The following MTF1 variants were observed in gnomAD, a reference collection of about 807,000 sequenced individuals.
MTF1 encodes the protein metal regulatory transcription factor 1.
Under a neutral mutation model 70.4 loss-of-function variants are expected in MTF1, and 22 were observed. The ratio of observed to expected loss-of-function variants is 0.31; its 90% CI spans 0.22 to 0.45. MTF1 has a LOEUF of 0.45. Among genes scored for constraint, MTF1 ranks in the 20% least tolerant of loss-of-function variants. MTF1 has a pLI of 1.00. For missense variants in MTF1, 649 were observed against 922.0 expected (o/e 0.70, Z 3.83); for synonymous variants, 333 against 352.8 (o/e 0.94, Z 0.63).
At chr1:37,852,740 C>T (rs1260710511) in intron 2 of MTF1, among the ~76,000 whole-genome samples, 1 of 152,050 alleles carries the variant, frequency 6.6e-6, no homozygotes, top group Non-Finnish European at 1.5e-5. Flanking sequence ...AAGTGATTCT[C>T]CTGCCTCAGC....
intron 10 of MTF1, 62 bp downstream of exon 10, chr1:37,817,357 T>C: frequency 3.1e-6 from 3 of 969,494 alleles, no homozygotes; most frequent in Non-Finnish European, 4.9e-6. Context: ...AAGCAATAAT[T>C]AGCTGTGCCT....
chr1:37,852,738 C>G (rs1447371968), intron 2 of MTF1, among the ~76,000 whole-genome samples: 1 of 151,916 alleles, frequency 6.6e-6, no homozygotes, highest in Admixed American at 6.6e-5. Flanking sequence ...TCAAGTGATT[C>G]TCCTGCCTCA....
chr1:37,819,948 A>T, intron 9 of MTF1, among the ~76,000 whole-genome samples: 1 of 107,506 alleles, frequency 9.3e-6, no homozygotes, highest in African/African-American at 4.1e-5. Flanking sequence ...CAAGACTCTG[A>T]CTCAAAAAAA....
Position 37,857,374 on chromosome 1 carries a change from C to A in MTF1, c.285G>T (p.Gln95His). The A allele has an allele frequency of 6.2e-7, 1 of 1,614,194 alleles. No homozygotes were observed. Among genetic ancestry groups the A allele is most frequent in the Non-Finnish European group, 8.5e-7 (1 of 1,180,036 alleles). The change falls in exon 2 of 11, where the codon CAG becomes CAT. Residue 95 changes from glutamine to histidine, a missense_variant. Coordinates refer to ENST00000373036, the MANE Select transcript of MTF1 (RefSeq NM_005955.3). The part of the protein sequence containing the change: ...DHEAMSQGYV[Q>H]HIISPDQIHL... Reference sequence around the variant, plus strand: ...GAATCTGATCTGGTGAGATAATGTGCTGCACATAACCCTGGGACATTGCTT... The same window carrying A: ...GAATCTGATCTGGTGAGATAATGTGATGCACATAACCCTGGGACATTGCTT...
intron 2 of MTF1, among the ~76,000 whole-genome samples, chr1:37,852,402 T>A (rs1260915399): frequency 6.6e-6 from 1 of 152,238 alleles, no homozygotes; most frequent in Non-Finnish European, 1.5e-5. Flanking sequence ...TCTTGATTCC[T>A]ATGAATGGGA....
intron 3 of MTF1, 152 bp downstream of exon 3, chr1:37,839,768 G>A (rs1641228223): frequency 3.1e-6 from 2 of 646,206 alleles, no homozygotes; most frequent in Admixed American, 2.9e-5. Flanking sequence ...CATTTTCTGA[G>A]ATCTGGCAGA....
At chr1:37,856,747 G>A (rs1460779967) in intron 2 of MTF1, among the ~76,000 whole-genome samples, 3 of 152,092 alleles carry the variant, frequency 2.0e-5, no homozygotes, top group Admixed American at 1.3e-4. Context: ...TGATCCACCC[G>A]CCTCAGCCTC....
chr1:37,856,569 G>C (rs1479529229), intron 2 of MTF1, among the ~76,000 whole-genome samples: 1 of 149,146 alleles, frequency 6.7e-6, no homozygotes, highest in East Asian at 1.9e-4. Flanking sequence ...GCATGATCTC[G>C]GCTCACTGCA....
In MTF1 at chr1:37,840,483, G is replaced by GA. The variant is rs1435748525; in HGVS notation, c.409-326dup. On this transcript the variant is annotated intron_variant, in intron 2 of 10. Coordinates refer to ENST00000373036, the MANE Select transcript of MTF1 (RefSeq NM_005955.3). This position sits in a 1 kb window ranked among gnomAD's most constrained non-coding sequence, Gnocchi z 4.5. ...GTTACAGCTACCTGTATTCAGATAA[G>GA]ATCTTAACTTTGTTTTAAGGCTTGA... 8.3e-6 allele frequency: 4 copies of GA among 481,494 alleles called. No individual in the cohort carries two copies. Among genetic ancestry groups the GA allele is most frequent in the African/African-American group, 7.8e-5 (4 of 51,204 alleles). The allele number at this position is 481,494 out of a possible 1,614,324, so 29.8% of individuals were successfully genotyped here. A position where few individuals can be genotyped will look rare whatever the true frequency, so the allele number is the denominator to read the frequency against.
At position 37,812,323 on chromosome 1, in the gene MTF1, G is replaced by C. The variant is rs1160276548; in HGVS notation, c.*2813C>G. ...TTATGGAAGGACAGGTAGGAAAAGA[G>C]AACTGGAAAAGGAGGGAAAGAAAGA... On this transcript the variant is annotated 3_prime_UTR_variant, in exon 11 of 11. Coordinates refer to ENST00000373036, the MANE Select transcript of MTF1 (RefSeq NM_005955.3). The C allele has an allele frequency of 6.6e-6, 1 of 152,210 alleles. No homozygotes were observed. Among genetic ancestry groups the C allele is most frequent in the Non-Finnish European group, 1.5e-5 (1 of 68,054 alleles). The allele number at this position is 152,210 out of a possible 1,614,324, so 9.4% of individuals were successfully genotyped here.
intron 2 of MTF1, among the ~76,000 whole-genome samples, chr1:37,846,391 T>TA (rs370112178): frequency 0.14 from 16,172 of 113,138 alleles, 1,015 homozygotes; most frequent in Middle Eastern, 0.24. Flanking sequence ...AGACCCCATT[T>TA]AAAAAAAAAA....
chr1:37,810,118 T>G lies in MTF1; in HGVS notation c.*5018A>C, dbSNP rs1212008486. 6.6e-6 allele frequency: 1 copy of G among 152,272 alleles called. No individual in the cohort carries two copies. The highest frequency in any genetic ancestry group is 1.5e-5 in the Non-Finnish European group (1 of 68,056). The allele number at this position is 152,272 out of a possible 1,614,324, so 9.4% of individuals were successfully genotyped here. ...CCAAAACACAACGAAGGATGTAGAC[T>G]GTTGAGTCAAATAGCCCTTGGGAGG... On this transcript the variant is annotated 3_prime_UTR_variant, in exon 11 of 11. Transcript: ENST00000373036.
intron 1 of MTF1, among the ~76,000 whole-genome samples, chr1:37,859,131 T>G (rs1641554510): frequency 6.6e-6 from 1 of 152,096 alleles, no homozygotes; most frequent in Non-Finnish European, 1.5e-5. Context: ...AGGGCCCCAG[T>G]GGGCTGCCCC....
intron 2 of MTF1, chr1:37,841,227 C>A: frequency 6.5e-6 from 1 of 155,038 alleles, no homozygotes; most frequent in South Asian, 1.7e-4. Flanking sequence ...GTTCAGTGCT[C>A]CAAGGAGGTT....
intron 6 of MTF1, among the ~76,000 whole-genome samples, chr1:37,833,188 A>T (rs985547500): frequency 6.6e-6 from 1 of 152,150 alleles, no homozygotes; most frequent in Non-Finnish European, 1.5e-5. Context: ...ATTACTCTAT[A>T]TCCCCATTTT....
intron 8 of MTF1, 57 bp from the exon 9 acceptor site, chr1:37,822,773 C>T: frequency 8.1e-7 from 1 of 1,239,592 alleles, no homozygotes; most frequent in Non-Finnish European, 1.1e-6. Flanking sequence ...AGATGAGCCA[C>T]AAAAACAGTC....
At chr1:37,817,577 A>G in intron 9 of MTF1, 95 bp from the exon 10 acceptor site, 1 of 856,676 alleles carries the variant, frequency 1.2e-6, no homozygotes, top group Non-Finnish European at 2.0e-6. Context: ...TCATCCAAGA[A>G]GACAGAAAAC....
At position 37,812,257 on chromosome 1, in the gene MTF1, G is replaced by C. The variant is rs1640749919; in HGVS notation, c.*2879C>G. ...TCTTTCTGGCTCCAGCTTAGCTAGG[G>C]GCCCTCTCTTCTCCAAGGTCCTCGG... On this transcript the variant is annotated 3_prime_UTR_variant, in exon 11 of 11. Transcript: ENST00000373036. 1 of 152,162 alleles carries C rather than the reference G, an allele frequency of 6.6e-6. No individual in the cohort carries two copies. Among genetic ancestry groups the C allele is most frequent in the African/African-American group, 2.4e-5 (1 of 41,412 alleles). 9.4% of individuals were successfully genotyped at this position (152,162 alleles called of 1,614,324 possible).
chr1:37,815,648 A>G lies in MTF1; in HGVS notation c.1832-82T>C. On this transcript the variant is annotated intron_variant, in intron 10 of 10. Transcript: ENST00000373036. The surrounding 1 kb of genome is among the most constrained non-coding windows in gnomAD (Gnocchi z 4.5). The stretch of plus-strand genomic sequence containing the variant: ...GGGACAGGGATACATGGACTAGGTG[A>G]GAGCAGAGTGCCATGGGAACCATGG... The G allele has an allele frequency of 2.7e-6, 3 of 1,111,664 alleles. No homozygotes were observed. The highest frequency in any genetic ancestry group is 3.9e-6 in the Non-Finnish European group (3 of 778,930). 68.9% of individuals were successfully genotyped at this position (1,111,664 alleles called of 1,614,324 possible).
Sources: gnomAD v4.1 joint callset for allele counts (sites outside exome capture counted in the v4.1 genomes callset) on GRCh38, gnomAD v4.1.1 for gene constraint, Gnocchi (gnomAD v3.1) non-coding constraint, MANE v1.5 for transcripts, NCBI Gene and HGNC (gene_info 2026-07-23, HGNC 2026-07-21) for gene names.